RALYL: variants seen among roughly 807,000 people sequenced by gnomAD.
RALYL encodes the protein RNA-binding Raly-like protein.
A neutral mutation model predicts 35.1 loss-of-function variants in RALYL; 29 were observed. The ratio of observed to expected loss-of-function variants is 0.83; its 90% CI spans 0.61 to 1.13. RALYL has a LOEUF of 1.13. RALYL is among the 50% of genes most tolerant of loss of function. RALYL has a pLI of 0.00. For missense variants in RALYL, 359 were observed against 360.4 expected (o/e 1.00, Z 0.03); for synonymous variants, 120 against 127.6 (o/e 0.94, Z 0.40).
intron 1 of RALYL, among the ~76,000 whole-genome samples, chr8:84,383,001 T>C (rs528107548): frequency 1.3e-5 from 2 of 151,934 alleles, no homozygotes; most frequent in Non-Finnish European, 3.0e-5. Flanking sequence ...AGGTTAATCT[T>C]ATAGTCATTA....
rs1449545409 is a variant in RALYL, at chr8:84,523,688, C to A, written c.-23-5611C>A. Among the ~76,000 whole-genome samples the A allele has an allele frequency of 1.0e-3, 133 of 133,180 alleles. 1 individual carries two copies. Among genetic ancestry groups the A allele is most frequent in the African/African-American group, 3.5e-3 (124 of 35,592 alleles). The allele number at this position is 133,180 out of a possible 152,430, so 87.4% of individuals were successfully genotyped here. The stretch of plus-strand genomic sequence containing the variant: ...CCCTCCCCCCACCCCACCACAGTCC[C>A]CAGAGTGTGATATTCCCCTTCCTGT... On this transcript the variant is annotated intron_variant, in intron 1 of 8. Transcript: ENST00000521268.
intron 2 of RALYL, among the ~76,000 whole-genome samples, chr8:84,696,012 T>A (rs1839060064): frequency 6.6e-6 from 1 of 151,776 alleles, no homozygotes; most frequent in South Asian, 2.1e-4. Flanking sequence ...ACAAATCTGC[T>A]ATGAACAGGA....
At chr8:84,575,833 A>G (rs1314619579) in intron 2 of RALYL, among the ~76,000 whole-genome samples, 2 of 152,086 alleles carry the variant, frequency 1.3e-5, no homozygotes, top group Non-Finnish European at 2.9e-5. Context: ...TAGTTTTAGA[A>G]AAGAGAATAT....
At chr8:84,893,416 T>A (rs542199359) in intron 8 of RALYL, among the ~76,000 whole-genome samples, 161 of 152,048 alleles carry the variant, frequency 1.1e-3, no homozygotes, top group Non-Finnish European at 4.3e-4. Flanking sequence ...TGTATTCCCC[T>A]TTATATAAAA....
At chr8:84,418,477 G>A (rs12542016) in intron 1 of RALYL, among the ~76,000 whole-genome samples, 44 of 152,136 alleles carry the variant, frequency 2.9e-4, no homozygotes, top group Admixed American at 2.8e-3. Flanking sequence ...TTAGCAGGAG[G>A]ATGAAAAAAC....
intron 1 of RALYL, among the ~76,000 whole-genome samples, chr8:84,526,834 A>G (rs2058937528): frequency 1.3e-5 from 2 of 152,156 alleles, no homozygotes; most frequent in African/African-American, 2.4e-5. Context: ...CCTATGTTTT[A>G]CTTTCCTTGT....
At chr8:84,609,898 G>A (rs931797234) in intron 2 of RALYL, among the ~76,000 whole-genome samples, 2 of 152,120 alleles carry the variant, frequency 1.3e-5, no homozygotes, top group African/African-American at 4.8e-5. Context: ...GCAAAGGGAT[G>A]CCTCACGTAG....
intron 2 of RALYL, among the ~76,000 whole-genome samples, chr8:84,570,175 G>A (rs925349800): frequency 6.6e-6 from 1 of 151,878 alleles, no homozygotes; most frequent in Non-Finnish European, 1.5e-5. Context: ...GTGGCCTTGG[G>A]CAGTATAATC....
chr8:84,652,138 G>T (rs189144135), intron 2 of RALYL, among the ~76,000 whole-genome samples: 4 of 152,008 alleles, frequency 2.6e-5, no homozygotes, highest in African/African-American at 9.7e-5. Flanking sequence ...CTACAAGTAG[G>T]CACAGCACTG....
intron 2 of RALYL, among the ~76,000 whole-genome samples, chr8:84,738,264 A>G (rs1847680945): frequency 6.6e-6 from 1 of 152,016 alleles, no homozygotes; most frequent in Non-Finnish European, 1.5e-5. Flanking sequence ...GATGAAGGAC[A>G]TTCCTAGTGG....
intron 8 of RALYL, among the ~76,000 whole-genome samples, chr8:84,899,905 G>A (rs1208819538): frequency 6.6e-6 from 1 of 152,138 alleles, no homozygotes; most frequent in African/African-American, 2.4e-5. Context: ...TCATAAGAAA[G>A]TAAATTTCAG....
intron 1 of RALYL, among the ~76,000 whole-genome samples, chr8:84,428,776 A>G (rs2046825778): frequency 1.3e-5 from 2 of 152,160 alleles, no homozygotes; most frequent in Admixed American, 6.5e-5. Flanking sequence ...TTTGTATAGT[A>G]TAATTACCAT....
intron 1 of RALYL, among the ~76,000 whole-genome samples, chr8:84,474,542 T>C (rs1012562527): frequency 6.6e-6 from 1 of 152,142 alleles, no homozygotes; most frequent in Non-Finnish European, 1.5e-5. Context: ...TTTAGAGCAT[T>C]GTATATGTGG....
chr8:84,563,602 G>C (rs2061597178), intron 2 of RALYL, among the ~76,000 whole-genome samples: 1 of 151,396 alleles, frequency 6.6e-6, no homozygotes, highest in Non-Finnish European at 1.5e-5. Context: ...GGTCGATATA[G>C]CACAGCGAAC....
chr8:84,614,433 A>G (rs1164284027), intron 2 of RALYL, among the ~76,000 whole-genome samples: 1 of 151,728 alleles, frequency 6.6e-6, no homozygotes, highest in Non-Finnish European at 1.5e-5. Context: ...GATCTCCTGC[A>G]TGGAAGAGTG....
At chr8:84,646,420 T>C (rs1395551254) in intron 2 of RALYL, among the ~76,000 whole-genome samples, 1 of 152,070 alleles carries the variant, frequency 6.6e-6, no homozygotes, top group East Asian at 1.9e-4. Flanking sequence ...TGAAAAAATT[T>C]CCAAATGCTC....
chr8:84,287,808 G>T (rs1166273262), intron 1 of RALYL, among the ~76,000 whole-genome samples: 1 of 152,236 alleles, frequency 6.6e-6, no homozygotes, highest in South Asian at 2.1e-4. Flanking sequence ...TAGAAATGGG[G>T]TCATTTGGGG....
chr8:84,853,523 GAAC>G lies in RALYL; in HGVS notation c.413+3499_413+3501del, dbSNP rs563069188. Among the ~76,000 whole-genome samples the G allele has an allele frequency of 3.3e-5, 5 of 152,210 alleles. No individual in the cohort carries two copies. In the South Asian group the frequency reaches 1.0e-3, roughly 31 times the overall value. Reference sequence around the variant, plus strand: ...CTATACAAGAACTTAGCTACAGTATGAACAATTTTCAAAATCATTTATTTGTTT... The same window carrying G: ...CTATACAAGAACTTAGCTACAGTATGAATTTTCAAAATCATTTATTTGTTT... On this transcript the variant is annotated intron_variant, in intron 5 of 8. Coordinates refer to ENST00000521268, the MANE Select transcript of RALYL (RefSeq NM_173848.7).
chr8:84,770,984 C>T (rs1446354715), intron 2 of RALYL, among the ~76,000 whole-genome samples: 2 of 152,114 alleles, frequency 1.3e-5, no homozygotes, highest in Non-Finnish European at 2.9e-5. Flanking sequence ...AAGATTTTCT[C>T]CCACTCTGTG....
Sources: gnomAD v4.1 joint callset for allele counts (sites outside exome capture counted in the v4.1 genomes callset) on GRCh38, gnomAD v4.1.1 for gene constraint, MANE v1.5 for transcripts, NCBI Gene and HGNC (gene_info 2026-07-23, HGNC 2026-07-21) for gene names.